NF2: variants seen among roughly 807,000 people sequenced by gnomAD.
NF2 encodes the protein merlin.
In NF2, 8 loss-of-function variants were observed where a neutral mutation model predicts 83.7. The observed-to-expected ratio is 0.10, with a 90% CI of 0.06 to 0.17. The LOEUF (loss-of-function observed/expected upper bound fraction) is 0.17. Among genes scored for constraint, NF2 ranks in the 10% least tolerant of loss-of-function variants. The pLI is 1.00. For missense variants in NF2, 533 were observed against 744.4 expected (o/e 0.72, Z 3.31); for synonymous variants, 266 against 269.6 (o/e 0.99, Z 0.13).
chr22:29,683,944 T>C (rs1457070393), intron 15 of NF2: 1 of 1,028,396 alleles, frequency 9.7e-7, no homozygotes, highest in Non-Finnish European at 1.2e-6. Context: ...GTAGTACCCA[T>C]GCCAACAAGC....
chr22:29,607,122 T>C (rs1415169861), intron 1 of NF2, among the ~76,000 whole-genome samples: 1 of 152,170 alleles, frequency 6.6e-6, no homozygotes, highest in Non-Finnish European at 1.5e-5. Context: ...ATACATTGTA[T>C]ATTAATGTAT....
chr22:29,676,107 G>C (rs892219400), intron 13 of NF2, among the ~76,000 whole-genome samples: 1 of 152,078 alleles, frequency 6.6e-6, no homozygotes, highest in Admixed American at 6.5e-5. Flanking sequence ...GACTGGAGTC[G>C]TCTGAGCAGT....
intron 13 of NF2, 61 bp downstream of exon 13, chr22:29,675,002 G>C (rs973012917): frequency 1.7e-5 from 24 of 1,423,684 alleles, no homozygotes; most frequent in Admixed American, 1.6e-4. Context: ...CTTTCCTCCC[G>C]GCCCTTCAGT....
chr22:29,666,298 G>A (rs937897086), intron 9 of NF2, among the ~76,000 whole-genome samples: 1 of 151,808 alleles, frequency 6.6e-6, no homozygotes, highest in East Asian at 2.0e-4. Flanking sequence ...CCACTACCAC[G>A]CCCGGCTAAT....
intron 3 of NF2, among the ~76,000 whole-genome samples, chr22:29,639,932 C>T (rs1299696669): frequency 6.1e-5 from 9 of 147,036 alleles, no homozygotes; most frequent in Admixed American, 4.8e-4. Flanking sequence ...CGGGTTGGCT[C>T]ACCCCTGTAA....
At chr22:29,628,923 G>T (rs917016252) in intron 1 of NF2, among the ~76,000 whole-genome samples, 10 of 152,112 alleles carry the variant, frequency 6.6e-5, no homozygotes, top group African/African-American at 2.4e-4. Context: ...GAGCCACTGC[G>T]CCTGGCCTCC....
At position 29,696,723 on chromosome 22, in the gene NF2, C is replaced by G. The variant is rs1218968294; in HGVS notation, c.*1921C>G. ...AAGTATGGATGTTGTGGCCCTGTGT[C>G]TTCCTAGTGTGACCCAGCCAGGAGC... is the stretch of plus-strand genomic sequence containing the variant. On this transcript the variant is annotated 3_prime_UTR_variant, in exon 16 of 16. Coordinates refer to ENST00000338641, the MANE Select transcript of NF2 (RefSeq NM_000268.4). The G allele has an allele frequency of 4.5e-6, 1 of 219,888 alleles. No individual in the cohort carries two copies. The highest frequency in any genetic ancestry group is 9.1e-6 in the Non-Finnish European group (1 of 109,864). The allele number at this position is 219,888 out of a possible 1,614,324, so 13.6% of individuals were successfully genotyped here.
rs2147011940 is a variant in NF2 at position 29,661,356 on chromosome 22, C to T, written c.810+17C>T. 6.2e-7 allele frequency: 1 copy of T among 1,613,384 alleles called. No individual in the cohort carries two copies. Among genetic ancestry groups the T allele is most frequent in the Non-Finnish European group, 8.5e-7 (1 of 1,180,004 alleles). On this transcript the variant is annotated intron_variant, in intron 8 of 15. Transcript: ENST00000338641. ...GACAAGGAGGTAGGACATGTGTGTA[C>T]TGCAGATGGGTCCAGCAGATCTTTC...
chr22:29,684,585 AT>A (rs1036137038), intron 15 of NF2, among the ~76,000 whole-genome samples: 5 of 152,178 alleles, frequency 3.3e-5, no homozygotes, highest in Non-Finnish European at 7.3e-5. Context: ...AAGAAGTTTC[AT>A]TTTTAGTTAA....
chr22:29,604,631 G>A (rs1332587891), intron 1 of NF2, among the ~76,000 whole-genome samples: 1 of 152,052 alleles, frequency 6.6e-6, no homozygotes, highest in Admixed American at 6.6e-5. Context: ...CTAGACATTT[G>A]CACATTTAAT....
intron 15 of NF2, among the ~76,000 whole-genome samples, chr22:29,693,719 G>C (rs1676754973): frequency 1.3e-5 from 2 of 152,186 alleles, no homozygotes; most frequent in African/African-American, 4.8e-5. Context: ...CCTCAGTTTA[G>C]TTATCTTCAT....
chr22:29,681,659 C>A, intron 15 of NF2, 58 bp downstream of exon 15: 1 of 1,601,980 alleles, frequency 6.2e-7, no homozygotes. Context: ...ATGAAATGTG[C>A]GGTTGGCATC....
At position 29,636,651 on chromosome 22, in the gene NF2, C is replaced by T. The variant is rs2065654587; in HGVS notation, c.115-100C>T. On this transcript the variant is annotated intron_variant, in intron 1 of 15. Transcript: ENST00000338641. The surrounding 1 kb of genome is among the most constrained non-coding windows in gnomAD (Gnocchi z 4.4). The stretch of plus-strand genomic sequence containing the variant: ...CAGTCCTCATCAGCTGTCTTAGTGT[C>T]ATCCCCACGTTTTGGAACCTGAGAG... The T allele has an allele frequency of 2.0e-6, 3 of 1,491,910 alleles. No homozygotes were observed. Among genetic ancestry groups the T allele is most frequent in the South Asian group, 1.1e-5 (1 of 88,200 alleles). 92.4% of individuals were successfully genotyped at this position (1,491,910 alleles called of 1,614,324 possible).
rs75024309 is a variant in NF2 at position 29,677,446 on chromosome 22, G to A, written c.1447-750G>A. ...AGTAGGGCAAATAGTAGGAGAAGCCGGGAAGCTAGATTGGGGTCCTCTTTA... is the reference window on the plus strand; with the variant it reads ...AGTAGGGCAAATAGTAGGAGAAGCCAGGAAGCTAGATTGGGGTCCTCTTTA... On this transcript the variant is annotated intron_variant, in intron 13 of 15. Coordinates refer to ENST00000338641, the MANE Select transcript of NF2 (RefSeq NM_000268.4). Among the ~76,000 whole-genome samples, 1,280 of 152,046 alleles carry A rather than the reference G, an allele frequency of 8.4e-3. 17 individuals are homozygous for A. Among genetic ancestry groups the A allele is most frequent in the African/African-American group, 0.03 (1,230 of 41,448 alleles).
chr22:29,678,078 G>C (rs1214754734), intron 13 of NF2, 118 bp from the exon 14 acceptor site: 1 of 1,334,302 alleles, frequency 7.5e-7, no homozygotes, highest in African/African-American at 1.4e-5. Context: ...GCATTGGGAG[G>C]TGGGACCCGA....
At chr22:29,617,175 C>A (rs752105576) in intron 1 of NF2, among the ~76,000 whole-genome samples, 3 of 152,126 alleles carry the variant, frequency 2.0e-5, no homozygotes, top group Admixed American at 6.5e-5. Context: ...GTGATCCGCC[C>A]TCCTTGGTCT....
chr22:29,681,615 C>T lies in NF2; in HGVS notation c.1737+14C>T. The T allele has an allele frequency of 1.2e-6, 2 of 1,613,788 alleles. No homozygotes were observed. The highest frequency in any genetic ancestry group is 2.2e-5 in the East Asian group (1 of 44,886). On this transcript the variant is annotated intron_variant, in intron 15 of 15. Coordinates refer to ENST00000338641, the MANE Select transcript of NF2 (RefSeq NM_000268.4). ...ACCATTAAAAAGGTACCCAGGGTCT[C>T]TTTCTTGTATTTTGCTGATCAGGAC...
At chr22:29,653,084 C>T (rs2037381575) in intron 4 of NF2, among the ~76,000 whole-genome samples, 1 of 152,124 alleles carries the variant, frequency 6.6e-6, no homozygotes, top group Non-Finnish European at 1.5e-5. Context: ...GGTGCCCACC[C>T]TATTTTTTTA....
chr22:29,682,822 T>C (rs1292629462), intron 15 of NF2, among the ~76,000 whole-genome samples: 3 of 152,116 alleles, frequency 2.0e-5, no homozygotes, highest in Non-Finnish European at 4.4e-5. Flanking sequence ...TTTCCACTGC[T>C]GCTGCAATGA....
Sources: allele counts gnomAD v4.1 joint callset (sites outside exome capture counted in the v4.1 genomes callset), GRCh38; gene constraint gnomAD v4.1.1; non-coding constraint Gnocchi (gnomAD v3.1); transcripts MANE v1.5; gene names NCBI Gene and HGNC (gene_info 2026-07-23, HGNC 2026-07-21).